CSMD1: variants seen among roughly 807,000 people sequenced by gnomAD.
CSMD1 encodes CUB and Sushi multiple domains 1.
Under a neutral mutation model 417.5 loss-of-function variants are expected in CSMD1, and 213 were observed. The observed-to-expected ratio is 0.51, with a 90% CI of 0.46 to 0.57. The LOEUF (loss-of-function observed/expected upper bound fraction) is 0.57, where lower values mean the gene tolerates loss of function less well. Ranked by LOEUF, CSMD1 falls within the 20% of genes least tolerant of loss-of-function variation. The pLI is 0.00. For missense variants in CSMD1, 6,923 were observed against 4,529.7 expected (o/e 1.53, Z -15.17); for synonymous variants, 2,862 against 1,736.8 (o/e 1.65, Z -16.11).
chr8:4,958,713 C>A (rs1809283567), intron 1 of CSMD1, among the ~76,000 whole-genome samples: 1 of 152,092 alleles, frequency 6.6e-6, no homozygotes, highest in African/African-American at 2.4e-5. Flanking sequence ...GATTTAGTGA[C>A]TCAATAAATA....
chr8:4,695,463 G>T (rs1384379210), intron 1 of CSMD1, among the ~76,000 whole-genome samples: 4 of 152,190 alleles, frequency 2.6e-5, no homozygotes, highest in Non-Finnish European at 5.9e-5. Context: ...TGTGGACTCA[G>T]TTGTTGCCTC....
intron 3 of CSMD1, among the ~76,000 whole-genome samples, chr8:4,150,332 C>A (rs1280034476): frequency 6.6e-6 from 1 of 152,182 alleles, no homozygotes; most frequent in Non-Finnish European, 1.5e-5. Context: ...TCTAAATTCT[C>A]TAACCCGTGC....
At chr8:4,454,412 ATCT>A (rs1202407736) in intron 2 of CSMD1, among the ~76,000 whole-genome samples, 3 of 152,244 alleles carry the variant, frequency 2.0e-5, no homozygotes, top group African/African-American at 7.2e-5. Context: ...CCTCTAGGAG[ATCT>A]TCTTTGGATA....
chr8:4,163,159 G>A (rs1038244203), intron 3 of CSMD1, among the ~76,000 whole-genome samples: 9 of 152,176 alleles, frequency 5.9e-5, no homozygotes, highest in African/African-American at 2.2e-4. Context: ...GTTGCTTCCA[G>A]ATTTTGGCAA....
At chr8:4,374,540 G>A (rs894088224) in intron 3 of CSMD1, among the ~76,000 whole-genome samples, 1 of 152,082 alleles carries the variant, frequency 6.6e-6, no homozygotes, top group Admixed American at 6.6e-5. Flanking sequence ...AGGCTGGTCA[G>A]TCCCACTCAA....
intron 1 of CSMD1, among the ~76,000 whole-genome samples, chr8:4,709,450 G>A (rs895738663): frequency 6.6e-6 from 1 of 152,186 alleles, no homozygotes; most frequent in South Asian, 2.1e-4. Flanking sequence ...ACAGGAAATA[G>A]AGGGACTCTG....
chr8:4,668,776 T>C (rs1805112430), intron 1 of CSMD1, among the ~76,000 whole-genome samples: 1 of 152,174 alleles, frequency 6.6e-6, no homozygotes, highest in African/African-American at 2.4e-5. Flanking sequence ...CAGTGTTCTC[T>C]TCCTTAATCC....
At chr8:3,074,496 A>T (rs956567431) in intron 49 of CSMD1, among the ~76,000 whole-genome samples, 2 of 152,232 alleles carry the variant, frequency 1.3e-5, no homozygotes, top group African/African-American at 4.8e-5. Context: ...TCCAGAAGCA[A>T]GCCGTCACAC....
chr8:4,128,181 G>C (rs751611388), intron 3 of CSMD1, among the ~76,000 whole-genome samples: 52 of 152,088 alleles, frequency 3.4e-4, no homozygotes, highest in Non-Finnish European at 6.8e-4. Context: ...GGGGACCCCT[G>C]CGGAAAAAGT....
At position 2,955,681 on chromosome 8, in the gene CSMD1, G is replaced by C; in HGVS notation, c.9902C>G (p.Thr3301Ser). The C allele has an allele frequency of 2.5e-6, 4 of 1,613,910 alleles. No homozygotes were observed. Among genetic ancestry groups the C allele is most frequent in the Non-Finnish European group, 3.4e-6 (4 of 1,179,836 alleles). Residue 3301 changes from threonine to serine, a missense_variant, in exon 64 of 70, where the codon ACC (threonine) becomes AGC (serine). Physicochemically the swap from Thr to Ser is moderately conservative, Grantham distance 58. Coordinates refer to ENST00000635120, the MANE Select transcript of CSMD1 (RefSeq NM_033225.6). ...TGCGAGGAAAAAGCCTGGATGGCAG[G>C]TGTACACTAAGGTGTAGCCGAAAGT... is the stretch of plus-strand genomic sequence containing the variant. ...LPTFGYTLVY[T>S]CHPGFFLAGG... is the part of the protein sequence containing the mutation.
At chr8:4,925,421 T>C (rs979002629) in intron 1 of CSMD1, among the ~76,000 whole-genome samples, 22 of 152,048 alleles carry the variant, frequency 1.4e-4, no homozygotes, top group African/African-American at 5.1e-4. Flanking sequence ...AAAATATACC[T>C]TTCCTACAGA....
rs1798990696 is a variant in CSMD1 at position 3,233,783 on chromosome 8, T to A, written c.4154-3552A>T. Among the ~76,000 whole-genome samples, 2 of 152,234 alleles carry A rather than the reference T, an allele frequency of 1.3e-5. 1 individual carries two copies. Among genetic ancestry groups the A allele is most frequent in the African/African-American group, 4.8e-5 (2 of 41,458 alleles). On this transcript the variant is annotated intron_variant, in intron 26 of 69. Transcript: ENST00000635120. Reference sequence around the variant, plus strand: ...ACTTGACTTATGGTAATTCTTTGCATTCTGCTTTGAAGGTACACCCATCCA... The same window carrying A: ...ACTTGACTTATGGTAATTCTTTGCAATCTGCTTTGAAGGTACACCCATCCA...
At chr8:3,853,476 G>C (rs768997836) in intron 5 of CSMD1, among the ~76,000 whole-genome samples, 7 of 152,150 alleles carry the variant, frequency 4.6e-5, no homozygotes, top group South Asian at 2.1e-4. Context: ...AAGGATCTTT[G>C]TCTACGTTGT....
In CSMD1 at chr8:3,201,619, A is replaced by T; in HGVS notation, c.5091T>A (p.Ser1697=). The T allele has an allele frequency of 6.3e-7, 1 of 1,594,354 alleles. No individual in the cohort carries two copies. Among genetic ancestry groups the T allele is most frequent in the Non-Finnish European group, 8.6e-7 (1 of 1,168,434 alleles). ...QARLLSSLSG[S]HSGETLPLAT... ...AAATTCTTTAAGACTTACCTGAGTG[A>T]GACCCCGAGAGTGAGCTGAGAAGTC... The change falls in exon 32 of 70, where the codon TCT becomes TCA. Residue 1697 remains serine (S), a synonymous_variant. Coordinates refer to ENST00000635120, the MANE Select transcript of CSMD1 (RefSeq NM_033225.6).
At chr8:3,564,415 C>T (rs1402644072) in intron 10 of CSMD1, among the ~76,000 whole-genome samples, 1 of 152,090 alleles carries the variant, frequency 6.6e-6, no homozygotes, top group South Asian at 2.1e-4. Flanking sequence ...AGTTGCAAGT[C>T]TATTGTCTAC....
intron 5 of CSMD1, among the ~76,000 whole-genome samples, chr8:3,775,072 ATTGT>A (rs1298664393): frequency 1.3e-5 from 2 of 152,120 alleles, no homozygotes; most frequent in African/African-American, 4.8e-5. Flanking sequence ...AAACTTACGA[ATTGT>A]TTGTTTCTGG....
At chr8:4,834,085 G>A (rs768612466) in intron 1 of CSMD1, among the ~76,000 whole-genome samples, 1 of 152,160 alleles carries the variant, frequency 6.6e-6, no homozygotes. Flanking sequence ...GACTCCTAGA[G>A]ATATTCAAAT....
intron 1 of CSMD1, among the ~76,000 whole-genome samples, chr8:4,975,194 G>A (rs991384233): frequency 8.6e-5 from 13 of 152,040 alleles, no homozygotes; most frequent in African/African-American, 2.4e-4. Flanking sequence ...AATTCACCAC[G>A]GTGACTTTTC....
chr8:3,650,820 T>A (rs1797817936), intron 7 of CSMD1, among the ~76,000 whole-genome samples: 1 of 152,174 alleles, frequency 6.6e-6, no homozygotes, highest in Admixed American at 6.6e-5. Flanking sequence ...GTTCAAACAC[T>A]GGTTATACCA....
Sources: allele counts gnomAD v4.1 joint callset (sites outside exome capture counted in the v4.1 genomes callset), GRCh38; gene constraint gnomAD v4.1.1; transcripts MANE v1.5; gene names NCBI Gene and HGNC (gene_info 2026-07-23, HGNC 2026-07-21).